PKP4: variants seen among roughly 807,000 people sequenced by gnomAD.
PKP4 encodes plakophilin 4.
A neutral mutation model predicts 145.1 loss-of-function variants in PKP4; 90 were observed. The ratio of observed to expected loss-of-function variants is 0.62; its 90% confidence interval spans 0.52 to 0.74. The LOEUF (loss-of-function observed/expected upper bound fraction) is 0.74. PKP4 is among the 30% of genes least tolerant of loss of function. The pLI is 0.00. For missense variants in PKP4, 1,340 were observed against 1,482.7 expected, an observed-to-expected ratio of 0.90 and a Z score of 1.58; for synonymous variants, 563 against 577.2, an observed-to-expected ratio of 0.98 and a Z score of 0.35.
chr2:158,662,950 G>A lies in PKP4; in HGVS notation c.2265G>A (p.Leu755=), dbSNP rs2056743980. The A allele has an allele frequency of 3.1e-6, 5 of 1,613,574 alleles. No homozygotes were observed. Among genetic ancestry groups the A allele is most frequent in the Non-Finnish European group, 4.2e-6 (5 of 1,179,942 alleles). The change falls in exon 14 of 22, where the codon CTG becomes CTA. Residue 755 remains leucine, a synonymous_variant. Transcript: ENST00000389759. The part of the protein sequence containing the change: ...TLRNLSYRLE[L]EVPQARLLGL... ...GGAACCTGTCCTATCGGCTGGAGCT[G>A]GAGGTGCCCCAGGCCCGGTTACTGG...
intron 2 of PKP4, among the ~76,000 whole-genome samples, chr2:158,573,927 A>G (rs2047623155): frequency 1.3e-5 from 2 of 152,254 alleles, no homozygotes; most frequent in South Asian, 4.1e-4. Flanking sequence ...TGCAGCCGAG[A>G]CACCCCTGAA....
At chr2:158,600,566 T>C (rs954768525) in intron 3 of PKP4, among the ~76,000 whole-genome samples, 1 of 152,218 alleles carries the variant, frequency 6.6e-6, no homozygotes, top group African/African-American at 2.4e-5. Context: ...CAATTGCCTT[T>C]GGTGGTTTAA....
intron 2 of PKP4, among the ~76,000 whole-genome samples, chr2:158,534,314 C>T (rs1427877292): frequency 1.3e-5 from 2 of 152,172 alleles, no homozygotes; most frequent in Admixed American, 1.3e-4. Context: ...TGACACATGT[C>T]TGACGTTAGA....
intron 2 of PKP4, among the ~76,000 whole-genome samples, chr2:158,558,402 G>C (rs1302834260): frequency 2.0e-5 from 3 of 152,164 alleles, no homozygotes; most frequent in Non-Finnish European, 4.4e-5. Context: ...AGTATAGCCA[G>C]AGGAGGCAGG....
At chr2:158,574,237 T>G (rs2047653473) in intron 2 of PKP4, among the ~76,000 whole-genome samples, 1 of 152,178 alleles carries the variant, frequency 6.6e-6, no homozygotes, top group Non-Finnish European at 1.5e-5. Flanking sequence ...ACGAGGAAAT[T>G]TTCATACACT....
chr2:158,613,089 G>A (rs2105874823), intron 4 of PKP4, among the ~76,000 whole-genome samples: 1 of 152,236 alleles, frequency 6.6e-6, no homozygotes, highest in Non-Finnish European at 1.5e-5. Flanking sequence ...CTATACTTCA[G>A]AGTCACCTGC....
chr2:158,518,573 G>A (rs1017883456), intron 1 of PKP4, among the ~76,000 whole-genome samples: 2 of 152,176 alleles, frequency 1.3e-5, no homozygotes, highest in Admixed American at 6.5e-5. Flanking sequence ...CTACACAGAA[G>A]GTATGTAGGT....
chr2:158,470,120 CTG>C (rs1691316509), intron 1 of PKP4, among the ~76,000 whole-genome samples: 2 of 152,224 alleles, frequency 1.3e-5, no homozygotes, highest in Admixed American at 1.3e-4. Flanking sequence ...CAGGTTAGAA[CTG>C]TGTCATAGCC....
At chr2:158,658,505 T>C in intron 12 of PKP4, 191 bp downstream of exon 12, 1 of 492,860 alleles carries the variant, frequency 2.0e-6, no homozygotes, top group Non-Finnish European at 3.5e-6. Flanking sequence ...CTTAAAGAAG[T>C]TATCTTGTAA....
rs750874292 is a variant in PKP4, at chr2:158,577,351, T to G, written c.213T>G (p.Leu71=). The G allele has an allele frequency of 4.3e-6, 7 of 1,613,352 alleles. No individual in the cohort carries two copies. The highest frequency in any genetic ancestry group is 5.1e-6 in the Non-Finnish European group (6 of 1,179,670). ...IVASQLERCR[L]GAESPSIAST... is the part of the protein sequence containing the mutation. The stretch of plus-strand genomic sequence containing the variant: ...CCAGTCAGCTAGAAAGATGTAGGCT[T>G]GGAGCAGAATCACCAAGCATCGCCA... The change falls in exon 3 of 22, where the codon CTT becomes CTG. Residue 71 remains leucine (L), a synonymous_variant. Coordinates refer to ENST00000389759, the MANE Select transcript of PKP4 (RefSeq NM_003628.6).
chr2:158,616,606 A>G (rs770754416), intron 4 of PKP4, among the ~76,000 whole-genome samples: 1 of 152,194 alleles, frequency 6.6e-6, no homozygotes, highest in Admixed American at 6.5e-5. Flanking sequence ...TGCTGTCCCA[A>G]GAGTCCTGCC....
intron 10 of PKP4, 85 bp from the exon 11 acceptor site, chr2:158,642,401 T>C (rs758347083): frequency 1.0e-6 from 1 of 976,296 alleles, no homozygotes; most frequent in Non-Finnish European, 1.5e-6. Flanking sequence ...ATCCACATCC[T>C]GTGATCTCTC....
intron 1 of PKP4, among the ~76,000 whole-genome samples, chr2:158,508,933 A>G (rs925153558): frequency 2.6e-5 from 4 of 152,122 alleles, no homozygotes; most frequent in African/African-American, 9.7e-5. Context: ...CATTATTTAT[A>G]CTCTGTAATG....
intron 4 of PKP4, among the ~76,000 whole-genome samples, chr2:158,617,667 A>G (rs1472483934): frequency 6.6e-6 from 1 of 152,224 alleles, no homozygotes; most frequent in Non-Finnish European, 1.5e-5. Flanking sequence ...TATCCAGTAA[A>G]ATTAGAAGAT....
At chr2:158,607,953 G>T (rs913003468) in intron 4 of PKP4, among the ~76,000 whole-genome samples, 3 of 151,834 alleles carry the variant, frequency 2.0e-5, no homozygotes, top group Admixed American at 6.6e-5. Context: ...AAATATAAGA[G>T]TACAAAAAAA....
intron 1 of PKP4, among the ~76,000 whole-genome samples, chr2:158,520,498 T>A (rs900106826): frequency 5.3e-5 from 8 of 152,264 alleles, no homozygotes; most frequent in Non-Finnish European, 1.2e-4. Context: ...CACTGAAATA[T>A]TCTAAATTAT....
At chr2:158,517,388 G>C (rs775435381) in intron 1 of PKP4, among the ~76,000 whole-genome samples, 11 of 151,998 alleles carry the variant, frequency 7.2e-5, no homozygotes, top group Non-Finnish European at 1.0e-4. Context: ...ATGCATTCCT[G>C]TTGAAACTCT....
intron 19 of PKP4, among the ~76,000 whole-genome samples, chr2:158,676,015 C>CAAAA (rs2057977175): frequency 6.6e-6 from 1 of 151,970 alleles, no homozygotes; most frequent in South Asian, 2.1e-4. Context: ...CCACAGTGTC[C>CAAAA]AAAAAGAGTC....
intron 9 of PKP4, among the ~76,000 whole-genome samples, chr2:158,636,318 A>C (rs2105922096): frequency 6.6e-6 from 1 of 151,258 alleles, no homozygotes; most frequent in South Asian, 2.1e-4. Context: ...ACAGGTGTGC[A>C]TTTTTTTCTT....
Sources: allele counts gnomAD v4.1 joint callset (sites outside exome capture counted in the v4.1 genomes callset), GRCh38; gene constraint gnomAD v4.1.1; transcripts MANE v1.5; gene names NCBI Gene and HGNC (gene_info 2026-07-23, HGNC 2026-07-21).